GALNTL6: variants seen among roughly 807,000 people sequenced by gnomAD.
GALNTL6 encodes polypeptide N-acetylgalactosaminyltransferase like 6, also known as polypeptide N-acetylgalactosaminyltransferase-like 6.
Under a neutral mutation model 73.7 loss-of-function variants are expected in GALNTL6, and 46 were observed. The ratio of observed to expected loss-of-function variants is 0.62; its 90% CI spans 0.49 to 0.80. GALNTL6 has a LOEUF of 0.80. GALNTL6 is among the 30% of genes least tolerant of loss of function. GALNTL6 has a pLI of 0.00. For synonymous variants in GALNTL6, 259 were observed against 263.7 expected (o/e 0.98, Z 0.17); for missense variants, 604 against 755.0 (o/e 0.80, Z 2.34).
intron 8 of GALNTL6, among the ~76,000 whole-genome samples, chr4:172,888,261 A>G (rs1745838742): frequency 6.6e-6 from 1 of 152,170 alleles, no homozygotes; most frequent in South Asian, 2.1e-4. Flanking sequence ...ATTCTTTGCC[A>G]AGGCCAATGT....
At chr4:172,761,515 T>G (rs1369873244) in intron 5 of GALNTL6, among the ~76,000 whole-genome samples, 1 of 152,208 alleles carries the variant, frequency 6.6e-6, no homozygotes, top group African/African-American at 2.4e-5. Flanking sequence ...CCAAATCTCA[T>G]GTGGATTTGT....
chr4:172,538,447 G>A (rs1735429850), intron 5 of GALNTL6, among the ~76,000 whole-genome samples: 1 of 152,004 alleles, frequency 6.6e-6, no homozygotes, highest in Admixed American at 6.6e-5. Context: ...GTGACAGAGT[G>A]AGACTCCATC....
intron 10 of GALNTL6, among the ~76,000 whole-genome samples, chr4:172,987,395 G>A (rs1462614632): frequency 6.6e-6 from 1 of 152,210 alleles, no homozygotes; most frequent in South Asian, 2.1e-4. Flanking sequence ...TGAGAAGACT[G>A]TGAGGGTAAC....
intron 7 of GALNTL6, among the ~76,000 whole-genome samples, chr4:172,849,582 T>C (rs911148061): frequency 1.3e-5 from 2 of 152,194 alleles, no homozygotes; most frequent in African/African-American, 4.8e-5. Flanking sequence ...ATAGAAAATA[T>C]GATTCACTTT....
At chr4:172,252,448 G>T (rs544247121) in intron 3 of GALNTL6, among the ~76,000 whole-genome samples, 1 of 152,148 alleles carries the variant, frequency 6.6e-6, no homozygotes, top group South Asian at 2.1e-4. Context: ...ATTCTGCAAA[G>T]AATTCTAACC....
chr4:172,850,563 C>T (rs1743760483), intron 7 of GALNTL6, among the ~76,000 whole-genome samples: 1 of 152,094 alleles, frequency 6.6e-6, no homozygotes, highest in South Asian at 2.1e-4. Flanking sequence ...ACCAATTCTC[C>T]AGTAGACTCC....
At chr4:172,699,196 G>T (rs1733871875) in intron 5 of GALNTL6, among the ~76,000 whole-genome samples, 1 of 151,974 alleles carries the variant, frequency 6.6e-6, no homozygotes, top group Non-Finnish European at 1.5e-5. Context: ...TTCCCAAGAG[G>T]CCCCACTTCC....
chr4:172,413,614 C>G (rs1335448717), intron 5 of GALNTL6, among the ~76,000 whole-genome samples: 1 of 150,096 alleles, frequency 6.7e-6, no homozygotes, highest in African/African-American at 2.4e-5. Flanking sequence ...GCTAGTAACT[C>G]TACTTGACAT....
intron 3 of GALNTL6, among the ~76,000 whole-genome samples, chr4:172,256,552 T>A (rs1474955634): frequency 2.6e-5 from 4 of 151,416 alleles, no homozygotes; most frequent in Non-Finnish European, 5.9e-5. Context: ...ATCTCCTGTT[T>A]TACAATTCTC....
At chr4:172,034,987 T>C (rs1450509533) in intron 2 of GALNTL6, among the ~76,000 whole-genome samples, 1 of 152,144 alleles carries the variant, frequency 6.6e-6, no homozygotes, top group African/African-American at 2.4e-5. Flanking sequence ...TTAAACATCT[T>C]AATGTTATGG....
At chr4:172,431,544 T>C (rs1731451923) in intron 5 of GALNTL6, among the ~76,000 whole-genome samples, 1 of 152,274 alleles carries the variant, frequency 6.6e-6, no homozygotes, top group East Asian at 1.9e-4. Context: ...CATGTAAGAA[T>C]GTTAATGGAA....
intron 5 of GALNTL6, among the ~76,000 whole-genome samples, chr4:172,792,926 C>CT (rs1300725725): frequency 1.3e-5 from 2 of 152,062 alleles, no homozygotes; most frequent in Admixed American, 6.6e-5. Context: ...TTGTATGTCT[C>CT]TAACTAAAGT....
chr4:172,250,790 C>T lies in GALNTL6; in HGVS notation c.247+21026C>T, dbSNP rs143348527. Among the ~76,000 whole-genome samples, 19 of 152,238 alleles carry T rather than the reference C, an allele frequency of 1.2e-4. No homozygotes were observed. In the East Asian group the frequency reaches 3.5e-3, roughly 28 times the overall value. Reference sequence around the variant, plus strand: ...TAGCATGAGAACAGACTGATACAGCCATGGTTAAAAAACTTTGGCCAGAGG... The same window carrying T: ...TAGCATGAGAACAGACTGATACAGCTATGGTTAAAAAACTTTGGCCAGAGG... On this transcript the variant is annotated intron_variant, in intron 3 of 12. Transcript: ENST00000506823.
intron 8 of GALNTL6, among the ~76,000 whole-genome samples, chr4:172,909,667 A>ACAGT (rs1360605167): frequency 6.6e-6 from 1 of 152,124 alleles, no homozygotes; most frequent in African/African-American, 2.4e-5. Flanking sequence ...ACTTTCAAAT[A>ACAGT]CAGTCAGTCA....
At chr4:171,855,072 C>T (rs913936599) in intron 2 of GALNTL6, among the ~76,000 whole-genome samples, 1 of 151,854 alleles carries the variant, frequency 6.6e-6, no homozygotes, top group Non-Finnish European at 1.5e-5. Flanking sequence ...TAGCATCTTG[C>T]ATTAGTGTTG....
chr4:172,044,407 T>G (rs1025989634), intron 2 of GALNTL6, among the ~76,000 whole-genome samples: 9 of 151,876 alleles, frequency 5.9e-5, no homozygotes, highest in African/African-American at 2.2e-4. Flanking sequence ...ATTTTTGGTG[T>G]TATATTTCCA....
chr4:173,009,313 G>A lies in GALNTL6; in HGVS notation c.1488+19G>A, dbSNP rs760989713. ...TGAACAGGTGAGTCACCTCCCAGAA[G>A]CCAGGGCAGTGGGAACCAGTCGGGG... On this transcript the variant is annotated intron_variant, in intron 11 of 12. Coordinates refer to ENST00000506823, the MANE Select transcript of GALNTL6 (RefSeq NM_001034845.3). 5 of 1,503,676 alleles carry A rather than the reference G, an allele frequency of 3.3e-6. No homozygotes were observed. Among genetic ancestry groups the A allele is most frequent in the Non-Finnish European group, 4.6e-6 (5 of 1,079,494 alleles). 93.1% of individuals were successfully genotyped at this position (1,503,676 alleles called of 1,614,324 possible).
chr4:172,033,209 T>C (rs1462460650), intron 2 of GALNTL6, among the ~76,000 whole-genome samples: 1 of 151,930 alleles, frequency 6.6e-6, no homozygotes, highest in Non-Finnish European at 1.5e-5. Context: ...ACAACTCTGA[T>C]TTTTGAGAGA....
intron 5 of GALNTL6, among the ~76,000 whole-genome samples, chr4:172,707,206 T>G (rs1387302895): frequency 6.6e-6 from 1 of 152,182 alleles, no homozygotes; most frequent in East Asian, 1.9e-4. Flanking sequence ...CAGCCTCTGT[T>G]GTGAGTTTTA....
Sources: gnomAD v4.1 joint callset for allele counts (sites outside exome capture counted in the v4.1 genomes callset) on GRCh38, gnomAD v4.1.1 for gene constraint, MANE v1.5 for transcripts, NCBI Gene and HGNC (gene_info 2026-07-23, HGNC 2026-07-21) for gene names.